ATXN1: variants seen among roughly 807,000 people sequenced by gnomAD.
The protein encoded by ATXN1 is ataxin-1.
A neutral mutation model predicts 56.4 loss-of-function variants in ATXN1; 8 were observed. The observed-to-expected ratio is 0.14, with a 90% CI of 0.08 to 0.26. ATXN1 has a LOEUF of 0.26. ATXN1 is among the 10% of genes least tolerant of loss of function. The probability of loss-of-function intolerance (pLI) is 1.00; values close to 1 mark genes in which losing one functional copy is unlikely to be tolerated. For missense variants in ATXN1, 987 were observed against 1,106.5 expected, an observed-to-expected ratio of 0.89 and a Z score of 1.53; for synonymous variants, 514 against 494.6, an observed-to-expected ratio of 1.04 and a Z score of -0.52.
intron 2 of ATXN1, among the ~76,000 whole-genome samples, chr6:16,683,060 T>A (rs185866835): frequency 6.6e-6 from 1 of 152,236 alleles, no homozygotes; most frequent in Admixed American, 6.5e-5. Context: ...GTTGATGAGA[T>A]CTAGGTTTCC....
rs1760160358 is a variant in ATXN1 at position 16,303,365 on chromosome 6, C to CT, written c.*2963dup. On this transcript the variant is annotated 3_prime_UTR_variant, in exon 8 of 8. Coordinates refer to ENST00000436367, the MANE Select transcript of ATXN1 (RefSeq NM_001128164.2). This position sits in a 1 kb window ranked among gnomAD's most constrained non-coding sequence, Gnocchi z 4.3. ...GGCAGACGCACGGGGCTCCTGAAGGCTCCCCGCCCCAGCACTCAGCATCCG... is the reference window on the plus strand; with the variant it reads ...GGCAGACGCACGGGGCTCCTGAAGGCTTCCCCGCCCCAGCACTCAGCATCCG... 1 of 144,994 alleles carries CT rather than the reference C, an allele frequency of 6.9e-6. No individual in the cohort carries two copies. The highest frequency in any genetic ancestry group is 1.5e-5 in the Non-Finnish European group (1 of 65,024). 9.0% of individuals were successfully genotyped at this position (144,994 alleles called of 1,614,324 possible). A position where few individuals can be genotyped will look rare whatever the true frequency, so the allele number is the denominator to read the frequency against.
At chr6:16,596,427 C>CA (rs889827873) in intron 3 of ATXN1, among the ~76,000 whole-genome samples, 4 of 152,128 alleles carry the variant, frequency 2.6e-5, no homozygotes, top group Admixed American at 2.0e-4. Flanking sequence ...GAAACCCCAG[C>CA]AAAAACATTA....
In ATXN1 at chr6:16,510,299, C is replaced by T. The variant is rs79943477; in HGVS notation, c.-299+12328G>A. On this transcript the variant is annotated intron_variant, in intron 5 of 7. Coordinates refer to ENST00000436367, the MANE Select transcript of ATXN1 (RefSeq NM_001128164.2). Reference sequence around the variant, plus strand: ...CAGAACCTGCATTTTAACAATATTCCCAGGGGATTCCGACCCACTTGATCA... The same window carrying T: ...CAGAACCTGCATTTTAACAATATTCTCAGGGGATTCCGACCCACTTGATCA... 5.5e-3 allele frequency among the ~76,000 whole-genome samples: 838 copies of T among 152,220 alleles called. 7 individuals are homozygous for T. The highest frequency in any genetic ancestry group is 0.019 in the African/African-American group (786 of 41,514).
chr6:16,582,089 C>T (rs970291126), intron 4 of ATXN1, among the ~76,000 whole-genome samples: 2 of 152,118 alleles, frequency 1.3e-5, no homozygotes, highest in Non-Finnish European at 2.9e-5. Flanking sequence ...TGGCCTGGTC[C>T]GGCTGTCAAC....
At chr6:16,362,546 G>T (rs58095172) in intron 6 of ATXN1, among the ~76,000 whole-genome samples, 10,292 of 152,118 alleles carry the variant, frequency 0.068, 1,183 homozygotes, top group African/African-American at 0.23. Flanking sequence ...CCCCGCTCCG[G>T]AGTGAAAGAA....
intron 2 of ATXN1, among the ~76,000 whole-genome samples, chr6:16,728,486 G>T (rs1759897979): frequency 6.6e-6 from 1 of 152,096 alleles, no homozygotes; most frequent in South Asian, 2.1e-4. Flanking sequence ...ACCAGGTTCT[G>T]CCCACCCTTT....
At chr6:16,602,731 T>C (rs144753607) in intron 3 of ATXN1, among the ~76,000 whole-genome samples, 2 of 152,180 alleles carry the variant, frequency 1.3e-5, no homozygotes, top group Non-Finnish European at 2.9e-5. Context: ...ATTACAGGCG[T>C]GAGCCACTGA....
At chr6:16,629,242 T>C (rs1763462245) in intron 3 of ATXN1, among the ~76,000 whole-genome samples, 1 of 152,236 alleles carries the variant, frequency 6.6e-6, no homozygotes, top group South Asian at 2.1e-4. Flanking sequence ...TGAGCTGCTT[T>C]TCATATTCTT....
At chr6:16,679,558 T>G (rs1353517197) in intron 2 of ATXN1, among the ~76,000 whole-genome samples, 1 of 152,226 alleles carries the variant, frequency 6.6e-6, no homozygotes, top group Non-Finnish European at 1.5e-5. Flanking sequence ...AAATTAACTT[T>G]GAAAATCCTT....
intron 3 of ATXN1, among the ~76,000 whole-genome samples, chr6:16,591,862 A>C (rs1762729044): frequency 6.6e-6 from 1 of 152,212 alleles, no homozygotes; most frequent in Non-Finnish European, 1.5e-5. Flanking sequence ...AAAGCCAAAA[A>C]AAATCCATTT....
chr6:16,706,166 G>A (rs757594364), intron 2 of ATXN1, among the ~76,000 whole-genome samples: 1 of 152,116 alleles, frequency 6.6e-6, no homozygotes, highest in Admixed American at 6.5e-5. Flanking sequence ...ACTGAAGGAC[G>A]TGCTCTGCAG....
intron 2 of ATXN1, among the ~76,000 whole-genome samples, chr6:16,745,150 T>C (rs894713740): frequency 3.9e-5 from 6 of 152,220 alleles, no homozygotes; most frequent in Admixed American, 1.3e-4. Context: ...ATTATTAAGA[T>C]TGAAGCTAGA....
At position 16,753,350 on chromosome 6, in the gene ATXN1, G is replaced by A; in HGVS notation, c.-729-3C>T. 2.2e-6 allele frequency: 1 copy of A among 456,872 alleles called. No homozygotes were observed. Among genetic ancestry groups the A allele is most frequent in the Non-Finnish European group, 4.4e-6 (1 of 227,020 alleles). 28.3% of individuals were successfully genotyped at this position (456,872 alleles called of 1,614,324 possible). A position where few individuals can be genotyped will look rare whatever the true frequency, so the allele number is the denominator to read the frequency against. On this transcript the variant is annotated splice_region_variant and splice_polypyrimidine_tract_variant and intron_variant, in intron 1 of 7. Coordinates refer to ENST00000436367, the MANE Select transcript of ATXN1 (RefSeq NM_001128164.2). ...TGGTGACTTGATGCACGATGCTCCTGCAATGGTCGAGGGAGTGCAGGAGAG... is the reference window on the plus strand; with the variant it reads ...TGGTGACTTGATGCACGATGCTCCTACAATGGTCGAGGGAGTGCAGGAGAG...
intron 2 of ATXN1, among the ~76,000 whole-genome samples, chr6:16,745,135 C>T (rs1760480029): frequency 6.6e-6 from 1 of 151,950 alleles, no homozygotes; most frequent in Admixed American, 6.5e-5. Context: ...ATAGTAAGTC[C>T]CACAATTATT....
intron 6 of ATXN1, among the ~76,000 whole-genome samples, chr6:16,466,793 G>A (rs1453837130): frequency 1.3e-5 from 2 of 152,096 alleles, no homozygotes; most frequent in African/African-American, 4.8e-5. Flanking sequence ...TAATGACATG[G>A]CAGATTTTTA....
At chr6:16,493,131 T>A (rs12204397) in intron 5 of ATXN1, among the ~76,000 whole-genome samples, 5 of 152,004 alleles carry the variant, frequency 3.3e-5, no homozygotes, top group African/African-American at 1.2e-4. Flanking sequence ...TCGAACTTCC[T>A]AAAGTAGATA....
intron 3 of ATXN1, among the ~76,000 whole-genome samples, chr6:16,635,100 T>G (rs576716218): frequency 3.3e-5 from 5 of 152,296 alleles, no homozygotes; most frequent in African/African-American, 1.2e-4. Flanking sequence ...CTCTGCCTCC[T>G]GTCAGGTCAG....
At position 16,303,509 on chromosome 6, in the gene ATXN1, TA is replaced by T. The variant is rs1468824435; in HGVS notation, c.*2819del. On this transcript the variant is annotated 3_prime_UTR_variant, in exon 8 of 8. Transcript: ENST00000436367. This position sits in a 1 kb window ranked among gnomAD's most constrained non-coding sequence, Gnocchi z 4.3. ...AAGCCAAAAGGGAATGAGCTTTAAC[TA>T]TATAGCACACTGGTCAGACTCTATT... 6.5e-6 allele frequency: 1 copy of T among 152,688 alleles called. No homozygotes were observed. The highest frequency in any genetic ancestry group is 2.4e-5 in the African/African-American group (1 of 41,452). The allele number at this position is 152,688 out of a possible 1,614,324, so 9.5% of individuals were successfully genotyped here.
chr6:16,468,217 A>G (rs1244691750), intron 6 of ATXN1, among the ~76,000 whole-genome samples: 1 of 152,040 alleles, frequency 6.6e-6, no homozygotes, highest in Non-Finnish European at 1.5e-5. Context: ...ACGGAGTCTC[A>G]CTCTGTCGCC....
Sources: gnomAD v4.1 joint callset for allele counts (sites outside exome capture counted in the v4.1 genomes callset) on GRCh38, gnomAD v4.1.1 for gene constraint, Gnocchi (gnomAD v3.1) non-coding constraint, MANE v1.5 for transcripts, NCBI Gene and HGNC (gene_info 2026-07-23, HGNC 2026-07-21) for gene names.